The following MLPH variants were observed in gnomAD, a reference collection of about 807,000 sequenced individuals.
MLPH encodes the protein exophilin-3.
A neutral mutation model predicts 72.1 loss-of-function variants in MLPH; 51 were observed. That is an observed-to-expected ratio of 0.71 (90% confidence interval 0.56 to 0.89). MLPH has a LOEUF of 0.89. Among genes scored for constraint, MLPH ranks in the 40% least tolerant of loss-of-function variants. MLPH has a pLI of 0.00. For missense variants in MLPH, 743 were observed against 759.9 expected (o/e 0.98, Z 0.26); for synonymous variants, 301 against 310.1 (o/e 0.97, Z 0.31).
At chr2:237,539,323 C>T (rs2080615820) in intron 9 of MLPH, among the ~76,000 whole-genome samples, 2 of 152,038 alleles carry the variant, frequency 1.3e-5, no homozygotes, top group South Asian at 4.1e-4. Context: ...GGGGGCCTCG[C>T]GTAGGCAGAG....
At position 237,519,905 on chromosome 2, in the gene MLPH, CTAAGA is replaced by C; in HGVS notation, c.556-4_556del. ...TGAGTCTTGCCCTGTCTTGTGCCTG[CTAAGA>C]AAAAGCGCCTCCTCTCCGTCCACGA... On this transcript the variant is annotated splice_acceptor_variant and splice_polypyrimidine_tract_variant and coding_sequence_variant and intron_variant, in exon 6 of 16. Coordinates refer to ENST00000264605, the MANE Select transcript of MLPH (RefSeq NM_024101.7). LOFTEE classifies it high-confidence loss of function. 1 of 1,613,758 alleles carries C rather than the reference CTAAGA, an allele frequency of 6.2e-7. No individual in the cohort carries two copies. The highest frequency in any genetic ancestry group is 8.5e-7 in the Non-Finnish European group (1 of 1,179,908).
At chr2:237,528,240 TA>T (rs2080345466) in intron 8 of MLPH, among the ~76,000 whole-genome samples, 1 of 152,198 alleles carries the variant, frequency 6.6e-6, no homozygotes, top group African/African-American at 2.4e-5. Context: ...CTTAATACCT[TA>T]AAAATGGATA....
intron 12 of MLPH, chr2:237,546,375 T>C (rs1403442137): frequency 3.5e-6 from 2 of 568,528 alleles, no homozygotes; most frequent in Non-Finnish European, 3.2e-6. Flanking sequence ...TGTTTTCTTT[T>C]CACAATCTGA....
intron 2 of MLPH, among the ~76,000 whole-genome samples, chr2:237,495,606 T>C (rs1273480284): frequency 6.6e-6 from 1 of 152,196 alleles, no homozygotes; most frequent in Non-Finnish European, 1.5e-5. Context: ...CAGCCCCACA[T>C]GGAGCAGGAG....
intron 8 of MLPH, 31 bp downstream of exon 8, chr2:237,527,547 T>C (rs1376142307): frequency 1.2e-6 from 2 of 1,613,772 alleles, no homozygotes; most frequent in East Asian, 2.2e-5. Flanking sequence ...TTCTGTCTTG[T>C]CGTTTCTTTG....
chr2:237,528,917 T>C (rs13411613), intron 8 of MLPH, among the ~76,000 whole-genome samples: 25,208 of 152,164 alleles, frequency 0.17, 2,318 homozygotes, highest in African/African-American at 0.23. Context: ...GGTCCATCCA[T>C]GCTGTAGCAC....
At chr2:237,553,130 G>A (rs60687800) in intron 15 of MLPH, 102,745 of 472,498 alleles carry the variant, frequency 0.22, 15,031 homozygotes, top group African/African-American at 0.51. Context: ...GTGATCAGTC[G>A]CAGGAGGCAA....
intron 8 of MLPH, among the ~76,000 whole-genome samples, chr2:237,528,193 T>G (rs1309192101): frequency 6.6e-6 from 1 of 152,138 alleles, no homozygotes; most frequent in African/African-American, 2.4e-5. Context: ...GCCCTGGAGA[T>G]GGACGGTGGT....
intron 4 of MLPH, among the ~76,000 whole-genome samples, chr2:237,516,719 G>A (rs2080025905): frequency 1.3e-5 from 2 of 152,036 alleles, no homozygotes; most frequent in South Asian, 4.1e-4. Flanking sequence ...CGAAAGGCCA[G>A]CAGAGAGCCT....
In MLPH at chr2:237,511,063, A is replaced by G. The variant is rs1187089363; in HGVS notation, c.407A>G (p.Lys136Arg). 3 of 1,613,856 alleles carry G rather than the reference A, an allele frequency of 1.9e-6. No individual in the cohort carries two copies. Among genetic ancestry groups the G allele is most frequent in the Admixed American group, 1.7e-5 (1 of 59,998 alleles). The change falls in exon 4 of 16, where the codon AAG becomes AGG. Residue 136 changes from lysine (K) to arginine (R), a missense_variant. Lys to Arg is a conservative substitution (Grantham distance 26). Coordinates refer to ENST00000264605, the MANE Select transcript of MLPH (RefSeq NM_024101.7). ...CGCTTCAAGAGGTTCGGAAGTGCCA[A>G]GGTCATCCGGTCCCTCCACGGGCGG... ...KARFKRFGSA[K>R]VIRSLHGRLQ...
chr2:237,530,700 C>T (rs1447630461), intron 8 of MLPH, among the ~76,000 whole-genome samples: 1 of 152,198 alleles, frequency 6.6e-6, no homozygotes, highest in Non-Finnish European at 1.5e-5. Flanking sequence ...CTTATGGCCG[C>T]GTCACCCATT....
chr2:237,534,336 C>G (rs2080486931), intron 8 of MLPH, among the ~76,000 whole-genome samples: 2 of 152,190 alleles, frequency 1.3e-5, no homozygotes. Flanking sequence ...TCACCCTCCC[C>G]ACTCTCCCCT....
At chr2:237,545,885 T>C in intron 12 of MLPH, 1 of 201,800 alleles carries the variant, frequency 5.0e-6, no homozygotes, top group South Asian at 9.0e-5. Context: ...GTCGATCTTG[T>C]GAACACAAAA....
chr2:237,522,903 T>C (rs2080221696), intron 6 of MLPH, among the ~76,000 whole-genome samples: 1 of 152,216 alleles, frequency 6.6e-6, no homozygotes, highest in Non-Finnish European at 1.5e-5. Context: ...TGAGGGCTGC[T>C]GTATTAGCAT....
At chr2:237,507,639 C>T (rs539513044) in intron 2 of MLPH, among the ~76,000 whole-genome samples, 4 of 152,304 alleles carry the variant, frequency 2.6e-5, no homozygotes, top group African/African-American at 4.8e-5. Context: ...AAAAGTCTCC[C>T]GGTGTTGGAA....
At chr2:237,520,415 A>G (rs112402109) in intron 6 of MLPH, among the ~76,000 whole-genome samples, 20,689 of 151,996 alleles carry the variant, frequency 0.14, 1,558 homozygotes, top group Non-Finnish European at 0.16. Context: ...TGTGATGCCT[A>G]CATCTCCGTC....
chr2:237,525,775 A>G lies in MLPH; in HGVS notation c.850A>G (p.Arg284Gly), dbSNP rs754596293. The G allele has an allele frequency of 1.2e-5, 19 of 1,613,418 alleles. No individual in the cohort carries two copies. Among genetic ancestry groups the G allele is most frequent in the East Asian group, 2.2e-5 (1 of 44,896 alleles). The stretch of plus-strand genomic sequence containing the variant: ...GCTCTGCCCGCCTGGAGGCTCCCAC[A>G]GGATGGCCCTGGGGACTGCTGCTGC... ...AELCPPGGSHRMALGTAAALG... is the reference protein window; with the variant it reads ...AELCPPGGSHGMALGTAAALG... Residue 284 changes from arginine (R) to glycine (G), a missense_variant, in exon 7 of 16, where the codon AGG (arginine) becomes GGG (glycine). Transcript: ENST00000264605.
chr2:237,535,349 C>T (rs189741722), intron 9 of MLPH, among the ~76,000 whole-genome samples: 1 of 152,008 alleles, frequency 6.6e-6, no homozygotes, highest in East Asian at 1.9e-4. Flanking sequence ...CTTGAAGGTC[C>T]CACCTCTCAA....
chr2:237,532,130 G>A (rs1398055133), intron 8 of MLPH, among the ~76,000 whole-genome samples: 1 of 152,196 alleles, frequency 6.6e-6, no homozygotes. Context: ...CAGACTCTTA[G>A]AGGGGCCTTT....
Sources: gnomAD v4.1 joint callset for allele counts (sites outside exome capture counted in the v4.1 genomes callset) on GRCh38, gnomAD v4.1.1 for gene constraint, MANE v1.5 for transcripts, NCBI Gene and HGNC (gene_info 2026-07-23, HGNC 2026-07-21) for gene names.